The following PUDP variants were observed in gnomAD, a reference collection of about 807,000 sequenced individuals.
PUDP encodes pseudouridine 5'-phosphatase.
Under a neutral mutation model 9.4 loss-of-function variants are expected in PUDP, and 8 were observed. The observed-to-expected ratio is 0.85, with a 90% CI of 0.50 to 1.53. The LOEUF (loss-of-function observed/expected upper bound fraction) is 1.53, where lower values mean the gene tolerates loss of function less well. PUDP is among the 40% of genes most tolerant of loss of function. The pLI, the probability that PUDP is intolerant of heterozygous loss-of-function variation, is 0.00. For missense variants in PUDP, 188 were observed against 189.7 expected (o/e 0.99, Z 0.05); for synonymous variants, 99 against 80.7 (o/e 1.23, Z -1.22).
intron 1 of PUDP, among the ~76,000 whole-genome samples, chrX:7,019,525 CAG>C (rs1279250727): frequency 5.4e-5 from 6 of 111,522 alleles, no homozygotes; most frequent in Admixed American, 3.8e-4. Flanking sequence ...GAAAGATGGA[CAG>C]AGAGTCTGAC....
chrX:6,834,551 T>A (rs1926553440), intron 3 of PUDP, among the ~76,000 whole-genome samples: 1 of 111,725 alleles, frequency 9.0e-6, no homozygotes, highest in African/African-American at 3.3e-5. Context: ...CCCAGATCTG[T>A]GAAATATGTC....
intron 1 of PUDP, among the ~76,000 whole-genome samples, chrX:6,717,910 G>A (rs762787997): frequency 9.8e-5 from 11 of 111,899 alleles, no homozygotes; most frequent in Non-Finnish European, 1.9e-4. Flanking sequence ...ATGTGAGATG[G>A]TATCTCATTG....
intron 3 of PUDP, among the ~76,000 whole-genome samples, chrX:6,762,717 G>A (rs1027554065): frequency 2.7e-5 from 3 of 112,273 alleles, no homozygotes; most frequent in Admixed American, 9.4e-5. Context: ...TTAAAGTAAC[G>A]TTCCTTATTG....
At chrX:6,773,156 A>C (rs774468261) in intron 3 of PUDP, among the ~76,000 whole-genome samples, 14 of 112,293 alleles carry the variant, frequency 1.2e-4, no homozygotes, top group African/African-American at 4.5e-4. Context: ...TCTCAGGAAC[A>C]TGCTCCATGT....
At chrX:6,792,895 G>C (rs779277706) in intron 3 of PUDP, among the ~76,000 whole-genome samples, 138 of 113,095 alleles carry the variant, frequency 1.2e-3, no homozygotes, top group Middle Eastern at 9.2e-3. Context: ...ATAGGACTTA[G>C]AATTACACGT....
chrX:7,092,092 T>C (rs1474974561), intron 2 of PUDP, among the ~76,000 whole-genome samples: 1 of 113,032 alleles, frequency 8.8e-6, no homozygotes, highest in Non-Finnish European at 1.9e-5. Context: ...GGTAATGGCC[T>C]ACAAGGCCAG....
chrX:6,893,328 G>C (rs1252988344), intron 3 of PUDP, among the ~76,000 whole-genome samples: 1 of 111,609 alleles, frequency 9.0e-6, no homozygotes, highest in African/African-American at 3.3e-5. Context: ...CAAATGCCCT[G>C]GAGAAGCTAA....
chrX:6,928,755 G>A (rs1027674638), intron 3 of PUDP, among the ~76,000 whole-genome samples: 4 of 110,822 alleles, frequency 3.6e-5, no homozygotes, highest in African/African-American at 6.6e-5. Context: ...AAAATTAGCC[G>A]GGTGTGGTGT....
chrX:6,827,275 T>C (rs983592433), intron 3 of PUDP, among the ~76,000 whole-genome samples: 3 of 111,681 alleles, frequency 2.7e-5, no homozygotes, highest in African/African-American at 9.8e-5. Flanking sequence ...GAACAAAGAA[T>C]TGGACAAAAT....
intron 3 of PUDP, among the ~76,000 whole-genome samples, chrX:6,772,521 C>T (rs1925380085): frequency 9.1e-6 from 1 of 109,648 alleles, no homozygotes; most frequent in African/African-American, 3.3e-5. Flanking sequence ...ATCTACCTAA[C>T]TTTTTGAATA....
chrX:6,783,593 C>A (rs1408390244), intron 3 of PUDP, among the ~76,000 whole-genome samples: 1 of 111,545 alleles, frequency 9.0e-6, no homozygotes, highest in Non-Finnish European at 1.9e-5. Flanking sequence ...GCAATGAACA[C>A]GAGTGGTGAT....
intron 3 of PUDP, among the ~76,000 whole-genome samples, chrX:6,795,911 G>A (rs62590370): frequency 0.034 from 3,795 of 111,889 alleles, 71 homozygotes; most frequent in South Asian, 0.074. Flanking sequence ...AACGGGGTGA[G>A]AAACCCCTCA....
chrX:6,969,126 G>A (rs1928832380), intron 3 of PUDP, among the ~76,000 whole-genome samples: 1 of 112,678 alleles, frequency 8.9e-6, no homozygotes, highest in Non-Finnish European at 1.9e-5. Flanking sequence ...GTGAAAAGAA[G>A]GCAACAGAGT....
At chrX:6,765,455 A>G (rs976856055) in intron 3 of PUDP, among the ~76,000 whole-genome samples, 4 of 112,378 alleles carry the variant, frequency 3.6e-5, no homozygotes, top group Non-Finnish European at 5.6e-5. Flanking sequence ...AACAGGATAA[A>G]CAAATCACGT....
intron 2 of PUDP, among the ~76,000 whole-genome samples, chrX:7,093,425 T>C (rs1347141942): frequency 8.9e-6 from 1 of 112,348 alleles, no homozygotes; most frequent in African/African-American, 3.2e-5. Context: ...GTATTTCTCA[T>C]TGGTTGCTTT....
chrX:6,863,087 C>A (rs922418704), intron 3 of PUDP, among the ~76,000 whole-genome samples: 1 of 111,524 alleles, frequency 9.0e-6, no homozygotes. Flanking sequence ...TTGCCCTGGC[C>A]AGAGTGCAGT....
intron 3 of PUDP, among the ~76,000 whole-genome samples, chrX:6,863,738 C>T (rs188291510): frequency 1.8e-5 from 2 of 111,894 alleles, no homozygotes; most frequent in East Asian, 2.8e-4. Context: ...ATACGGTCTA[C>T]GGTTGCTTTT....
At chrX:7,131,977 A>T (rs1022445795) in intron 1 of PUDP, among the ~76,000 whole-genome samples, 1 of 110,150 alleles carries the variant, frequency 9.1e-6, no homozygotes, top group African/African-American at 3.3e-5. Context: ...TGTGAGGCAC[A>T]TCCGACTGGC....
chrX:7,103,176 A>G (rs1259929605), intron 2 of PUDP, among the ~76,000 whole-genome samples: 1 of 112,235 alleles, frequency 8.9e-6, no homozygotes, highest in Non-Finnish European at 1.9e-5. Flanking sequence ...AACATATTAC[A>G]AAGCTACATT....
Sources: gnomAD v4.1 joint callset for allele counts (sites outside exome capture counted in the v4.1 genomes callset) on GRCh38, gnomAD v4.1.1 for gene constraint, MANE v1.5 for transcripts, NCBI Gene and HGNC (gene_info 2026-07-23, HGNC 2026-07-21) for gene names.